Variants in OGG1 observed in about 807,000 individuals in gnomAD.
OGG1 encodes 8-oxoguanine DNA glycosylase, also known as N-glycosylase/DNA lyase.
A neutral mutation model predicts 42.3 loss-of-function variants in OGG1; 35 were observed. The ratio of observed to expected loss-of-function variants is 0.83; its 90% CI spans 0.63 to 1.10. The LOEUF (loss-of-function observed/expected upper bound fraction) is 1.10. OGG1 is among the 50% of genes least tolerant of loss of function. The pLI is 0.00. For synonymous variants in OGG1, 189 were observed against 179.0 expected (o/e 1.06, Z -0.44); for missense variants, 484 against 446.7 (o/e 1.08, Z -0.75).
In OGG1 at chr3:9,786,938, T is replaced by TA. The variant is rs1468869041; in HGVS notation, c.383-784dup. 43 of 1,417,432 alleles carry TA rather than the reference T, an allele frequency of 3.0e-5. No individual in the cohort carries two copies. In the East Asian group the frequency reaches 3.4e-4, roughly 11 times the overall value. The allele number at this position is 1,417,432 out of a possible 1,614,324, so 87.8% of individuals were successfully genotyped here. On this transcript the variant is annotated intron_variant, in intron 3 of 3. Transcript: ENST00000426518. ...CTAATAAATGTATGATAAATTCCGA[T>TA]AAAAAATAAGCATAACACATTAAAA...
intron 1 of OGG1, chr3:9,750,638 G>C: frequency 1.4e-6 from 1 of 732,278 alleles, no homozygotes. Context: ...GAAGATAATA[G>C]CACTTGTTTT....
chr3:9,750,257 G>C lies in OGG1; in HGVS notation c.-30G>C, dbSNP rs2077230697. On this transcript the variant is annotated 5_prime_UTR_variant, in exon 1 of 7. Transcript: ENST00000344629. ...ACGAGGCCTGGTTCTGGGTAGGCGG[G>C]GCTACTACGGGGCGGTGCCTGCTGT... 1.9e-6 allele frequency: 3 copies of C among 1,598,982 alleles called. No individual in the cohort carries two copies. Among genetic ancestry groups the C allele is most frequent in the Non-Finnish European group, 2.6e-6 (3 of 1,172,328 alleles).
At chr3:9,756,177 C>T (rs896094220) in intron 4 of OGG1, among the ~76,000 whole-genome samples, 3 of 152,158 alleles carry the variant, frequency 2.0e-5, no homozygotes, top group East Asian at 1.9e-4. Context: ...ATTAGCCACA[C>T]GTGGTGGCAC....
downstream of OGG1, chr3:9,760,794 T>C: frequency 6.2e-7 from 1 of 1,613,434 alleles, no homozygotes; most frequent in Non-Finnish European, 8.5e-7. Context: ...CTCATCCTCA[T>C]TTCCACTTTC....
At chr3:9,760,192 G>A (rs893214197), downstream of OGG1, 2 of 191,242 alleles carry the variant, frequency 1.0e-5, no homozygotes, top group African/African-American at 4.7e-5. Context: ...GCAGTGAGCC[G>A]AGATTGTGCC....
downstream of OGG1, chr3:9,758,859 A>T (rs1419719988): frequency 5.8e-6 from 2 of 345,228 alleles, no homozygotes; most frequent in East Asian, 7.5e-5. Context: ...TGAACTCCTG[A>T]CCTCAGGTGA....
chr3:9,777,237 G>T (rs1485147599), intron 2 of OGG1, among the ~76,000 whole-genome samples: 2 of 152,186 alleles, frequency 1.3e-5, no homozygotes, highest in African/African-American at 4.8e-5. Context: ...GACACAAAAG[G>T]CTTTGCCTCC....
At chr3:9,775,027 A>T (rs1286527414) in intron 2 of OGG1, among the ~76,000 whole-genome samples, 1 of 148,968 alleles carries the variant, frequency 6.7e-6, no homozygotes, top group Non-Finnish European at 1.5e-5. Flanking sequence ...AGGCAGGAGG[A>T]TCACTTGAGC....
downstream of OGG1, chr3:9,760,800 C>T (rs1553703609): frequency 1.2e-6 from 2 of 1,613,080 alleles, no homozygotes; most frequent in East Asian, 4.5e-5. Flanking sequence ...CTCATTTCCA[C>T]TTTCGGGTGC....
downstream of OGG1, chr3:9,759,031 C>G: frequency 1.4e-6 from 1 of 714,438 alleles, no homozygotes; most frequent in Admixed American, 1.9e-5. Context: ...ATATGAGGCC[C>G]TAAGAGGCCT....
chr3:9,777,558 T>G (rs1575284855), intron 2 of OGG1, among the ~76,000 whole-genome samples: 1 of 151,216 alleles, frequency 6.6e-6, no homozygotes, highest in Admixed American at 6.6e-5. Flanking sequence ...ATAGGAGGGG[T>G]GGGTAAAGGG....
chr3:9,789,082 C>T (rs776746630), downstream of OGG1, among the ~76,000 whole-genome samples: 7 of 152,014 alleles, frequency 4.6e-5, no homozygotes, highest in Non-Finnish European at 7.4e-5. Flanking sequence ...GCAATCTGCC[C>T]GCCCCGGCCT....
Position 9,750,017 on chromosome 3 carries a change from G to A in OGG1, c.-270G>A. On this transcript the variant is annotated 5_prime_UTR_variant, in exon 1 of 7. Transcript: ENST00000344629. ...CAGCTGTGCGCGCCCACAGGCTCTGGGGGCGGGAGAAGATAAGTCGCAAGG... is the reference window on the plus strand; with the variant it reads ...CAGCTGTGCGCGCCCACAGGCTCTGAGGGCGGGAGAAGATAAGTCGCAAGG... The A allele has an allele frequency of 3.8e-6, 2 of 524,994 alleles. No homozygotes were observed. The highest frequency in any genetic ancestry group is 3.4e-6 in the Non-Finnish European group (1 of 292,876). 32.5% of individuals were successfully genotyped at this position (524,994 alleles called of 1,614,324 possible). A position where few individuals can be genotyped will look rare whatever the true frequency, so the allele number is the denominator to read the frequency against.
At chr3:9,760,915 G>T, downstream of OGG1, 1 of 1,187,570 alleles carries the variant, frequency 8.4e-7, no homozygotes, top group Non-Finnish European at 1.2e-6. Context: ...GCTCACTCCT[G>T]TTCTAGCTAC....
At position 9,754,733 on chromosome 3, in the gene OGG1, C is replaced by G. The variant is rs564136004; in HGVS notation, c.595C>G (p.Leu199Val). 1.2e-6 allele frequency: 2 copies of G among 1,614,190 alleles called. No homozygotes were observed. Among genetic ancestry groups the G allele is most frequent in the Non-Finnish European group, 1.7e-6 (2 of 1,180,022 alleles). The change falls in exon 4 of 7, where the codon CTG (leucine) becomes GTG (valine). Residue 199 changes from leucine (L) to valine (V), a missense_variant. Transcript: ENST00000344629. The stretch of plus-strand genomic sequence containing the variant: ...AGAGGTGGAGGCTCATCTCAGGAAG[C>G]TGGGCCTGGGCTATCGTGCCCGTTA... ...GPEVEAHLRKLGLGYRARYVS... is the reference protein window; with the variant it reads ...GPEVEAHLRKVGLGYRARYVS...
chr3:9,767,078 T>G (rs1189057218), downstream of OGG1, among the ~76,000 whole-genome samples: 2 of 152,198 alleles, frequency 1.3e-5, no homozygotes, highest in Non-Finnish European at 1.5e-5. Context: ...TTTATGCTAT[T>G]CCTTCTGCCT....
chr3:9,778,661 A>G (rs905131379), intron 2 of OGG1, among the ~76,000 whole-genome samples: 3 of 152,156 alleles, frequency 2.0e-5, no homozygotes, highest in Non-Finnish European at 4.4e-5. Context: ...TGGTCCAACA[A>G]GAAGTGGAAC....
In OGG1 at chr3:9,751,096, C is replaced by T. The variant is rs776357627; in HGVS notation, c.289C>T (p.Arg97Cys). The change falls in exon 2 of 7, where the codon CGC becomes TGC. Residue 97 changes from arginine (R) to cysteine (C), a missense_variant. Arg to Cys is a radical substitution (Grantham distance 180). Coordinates refer to ENST00000344629, the MANE Select transcript of OGG1 (RefSeq NM_002542.6). ...RPTPDELEAV[R>C]KYFQLDVTLA... Reference sequence around the variant, plus strand: ...CACACCAGACGAGCTGGAGGCCGTGCGCAAGTACTTCCAGCTAGATGTTAC... The same window carrying T: ...CACACCAGACGAGCTGGAGGCCGTGTGCAAGTACTTCCAGCTAGATGTTAC... 5 of 1,614,092 alleles carry T rather than the reference C, an allele frequency of 3.1e-6. No homozygotes were observed. Among genetic ancestry groups the T allele is most frequent in the Middle Eastern group, 1.6e-4 (1 of 6,062 alleles).
At chr3:9,790,688 T>C (rs2078708151), downstream of OGG1, among the ~76,000 whole-genome samples, 1 of 152,228 alleles carries the variant, frequency 6.6e-6, no homozygotes, top group African/African-American at 2.4e-5. Flanking sequence ...GTGTCTGGCA[T>C]TGGGCTGAGT....
Sources: gnomAD v4.1 joint callset for allele counts (sites outside exome capture counted in the v4.1 genomes callset) on GRCh38, gnomAD v4.1.1 for gene constraint, MANE v1.5 for transcripts, NCBI Gene and HGNC (gene_info 2026-07-23, HGNC 2026-07-21) for gene names.